Variants in ZDHHC3 observed in about 807,000 individuals in gnomAD.
ZDHHC3 encodes zDHHC palmitoyltransferase 3.
In ZDHHC3, 9 loss-of-function variants were observed where a neutral mutation model predicts 30.6. The observed-to-expected ratio is 0.29, with a 90% CI of 0.18 to 0.51. The LOEUF is 0.51. ZDHHC3 is among the 20% of genes least tolerant of loss of function. ZDHHC3 has a pLI of 0.97. For missense variants in ZDHHC3, 246 were observed against 384.2 expected, an observed-to-expected ratio of 0.64 and a Z score of 3.01; for synonymous variants, 136 against 140.2, an observed-to-expected ratio of 0.97 and a Z score of 0.21.
rs1575741975 is a variant in ZDHHC3 at position 44,918,208 on chromosome 3, A to G, written c.*8481T>C. 1 of 1,190,042 alleles carries G rather than the reference A, an allele frequency of 8.4e-7. No individual in the cohort carries two copies. The highest frequency in any genetic ancestry group is 1.1e-6 in the Non-Finnish European group (1 of 921,024). 73.7% of individuals were successfully genotyped at this position (1,190,042 alleles called of 1,614,324 possible). On this transcript the variant is annotated 3_prime_UTR_variant, in exon 7 of 7. Transcript: ENST00000424952. ...GCTGGGCTGTACAGCTCACATAGACACCCCCAGCTATAGCATAGCAGTGGC... is the reference window on the plus strand; with the variant it reads ...GCTGGGCTGTACAGCTCACATAGACGCCCCCAGCTATAGCATAGCAGTGGC...
chr3:44,932,913 A>G lies in ZDHHC3; in HGVS notation c.610+205T>C, dbSNP rs754672842. The stretch of plus-strand genomic sequence containing the variant: ...GTCCAACTCATGACTTTACCTGTCG[A>G]ACTGAAGTTAAGGGGCTGCATTTTT... On this transcript the variant is annotated intron_variant, in intron 5 of 6. Transcript: ENST00000424952. The G allele has an allele frequency of 4.3e-6, 7 of 1,614,148 alleles. No homozygotes were observed. In the South Asian group the frequency reaches 7.7e-5, roughly 18 times the overall value.
At chr3:44,966,650 T>C (rs1020786497) in intron 1 of ZDHHC3, among the ~76,000 whole-genome samples, 1 of 152,156 alleles carries the variant, frequency 6.6e-6, no homozygotes, top group Non-Finnish European at 1.5e-5. Context: ...AAAGATCAAA[T>C]AGATGATCTT....
chr3:44,937,051 G>A (rs1702027985), intron 3 of ZDHHC3, among the ~76,000 whole-genome samples: 1 of 151,848 alleles, frequency 6.6e-6, no homozygotes, highest in Non-Finnish European at 1.5e-5. Context: ...ATGAATTCTA[G>A]TCTCCTTTTT....
Position 44,923,291 on chromosome 3 carries a change from T to C in ZDHHC3, c.*3398A>G. 1.1e-6 allele frequency: 1 copy of C among 948,258 alleles called. No homozygotes were observed. Among genetic ancestry groups the C allele is most frequent in the Non-Finnish European group, 1.3e-6 (1 of 796,138 alleles). The allele number at this position is 948,258 out of a possible 1,614,324, so 58.7% of individuals were successfully genotyped here. The stretch of plus-strand genomic sequence containing the variant: ...CAGGGTTTCACCGTGTTAGCCAGGA[T>C]GATCTCGATCTCTTGACCTCGTGAT... On this transcript the variant is annotated 3_prime_UTR_variant, in exon 7 of 7. Coordinates refer to ENST00000424952, the MANE Select transcript of ZDHHC3 (RefSeq NM_001135179.2).
At position 44,921,994 on chromosome 3, in the gene ZDHHC3, G is replaced by A. The variant is rs182907599; in HGVS notation, c.*4695C>T. 1.9e-4 allele frequency: 189 copies of A among 985,406 alleles called. 1 individual carries two copies. Among genetic ancestry groups the A allele is most frequent in the Non-Finnish European group, 1.9e-4 (158 of 829,938 alleles). The allele number at this position is 985,406 out of a possible 1,614,324, so 61.0% of individuals were successfully genotyped here. On this transcript the variant is annotated 3_prime_UTR_variant, in exon 7 of 7. Coordinates refer to ENST00000424952, the MANE Select transcript of ZDHHC3 (RefSeq NM_001135179.2). Reference sequence around the variant, plus strand: ...GCTCCTCCTGTGGGCCCAACAGAGCGGGATCCCTGGGGGCCACTCTGCTTT... The same window carrying A: ...GCTCCTCCTGTGGGCCCAACAGAGCAGGATCCCTGGGGGCCACTCTGCTTT...
chr3:44,955,800 A>C (rs1703901426), intron 2 of ZDHHC3, among the ~76,000 whole-genome samples: 1 of 152,138 alleles, frequency 6.6e-6, no homozygotes, highest in Non-Finnish European at 1.5e-5. Flanking sequence ...TCTGTTTTGC[A>C]TACTGGGTTT....
At chr3:44,956,230 C>T (rs1056499146) in intron 2 of ZDHHC3, among the ~76,000 whole-genome samples, 1 of 152,224 alleles carries the variant, frequency 6.6e-6, no homozygotes, top group African/African-American at 2.4e-5. Flanking sequence ...TCCCTGTTTT[C>T]ACATGCCTTA....
At chr3:44,931,039 T>G (rs1206802003) in intron 5 of ZDHHC3, among the ~76,000 whole-genome samples, 1 of 152,234 alleles carries the variant, frequency 6.6e-6, no homozygotes, top group Non-Finnish European at 1.5e-5. Context: ...TGTACTGGTT[T>G]GATAGGTGCC....
chr3:44,933,755 G>C, intron 4 of ZDHHC3, 133 bp downstream of exon 4: 1 of 820,908 alleles, frequency 1.2e-6, no homozygotes, highest in Non-Finnish European at 2.0e-6. Context: ...AGAGATCTTT[G>C]GCAGGAAGGC....
In ZDHHC3 at chr3:44,920,794, T is replaced by G. The variant is rs995878349; in HGVS notation, c.*5895A>C. The G allele has an allele frequency of 6.9e-5, 68 of 985,238 alleles. No homozygotes were observed. The highest frequency in any genetic ancestry group is 7.1e-5 in the Non-Finnish European group (59 of 829,924). 61.0% of individuals were successfully genotyped at this position (985,238 alleles called of 1,614,324 possible). A position where few individuals can be genotyped will look rare whatever the true frequency, so the allele number is the denominator to read the frequency against. On this transcript the variant is annotated 3_prime_UTR_variant, in exon 7 of 7. Coordinates refer to ENST00000424952, the MANE Select transcript of ZDHHC3 (RefSeq NM_001135179.2). ...ATTATACTCAACCTCCTCACCAACCTCATAAAGTATTCCAGACAGAGCCTG... is the reference window on the plus strand; with the variant it reads ...ATTATACTCAACCTCCTCACCAACCGCATAAAGTATTCCAGACAGAGCCTG...
chr3:44,960,965 C>T (rs1401281628), intron 1 of ZDHHC3, among the ~76,000 whole-genome samples: 1 of 152,204 alleles, frequency 6.6e-6, no homozygotes, highest in African/African-American at 2.4e-5. Context: ...CCACTCCTCC[C>T]AAGGTGGCAG....
At chr3:44,945,862 T>G (rs2125869104) in intron 2 of ZDHHC3, among the ~76,000 whole-genome samples, 1 of 152,334 alleles carries the variant, frequency 6.6e-6, no homozygotes, top group African/African-American at 2.4e-5. Flanking sequence ...CGGCCAATTC[T>G]TTGATTAATT....
chr3:44,921,805 G>T lies in ZDHHC3; in HGVS notation c.*4884C>A, dbSNP rs1211983887. The T allele has an allele frequency of 1.9e-5, 19 of 984,862 alleles. No individual in the cohort carries two copies. Among genetic ancestry groups the T allele is most frequent in the Non-Finnish European group, 2.3e-5 (19 of 829,496 alleles). 61.0% of individuals were successfully genotyped at this position (984,862 alleles called of 1,614,324 possible). On this transcript the variant is annotated 3_prime_UTR_variant, in exon 7 of 7. Transcript: ENST00000424952. ...TAGCCAAGCAGACATTTCAACCAAAGACTGAAGCCAGGACCCAAATACTTG... is the reference window on the plus strand; with the variant it reads ...TAGCCAAGCAGACATTTCAACCAAATACTGAAGCCAGGACCCAAATACTTG...
intron 6 of ZDHHC3, among the ~76,000 whole-genome samples, chr3:44,928,937 C>T (rs900046348): frequency 2.0e-5 from 3 of 152,206 alleles, no homozygotes; most frequent in Non-Finnish European, 4.4e-5. Flanking sequence ...CTGTCAACCA[C>T]TCTATTTCAA....
Position 44,916,891 on chromosome 3 carries a change from C to A in ZDHHC3, c.*9798G>T, listed in dbSNP as rs187842644. ...TTCATCTGATTCATCAATCAGCAGA[C>A]CCTGGCCATCACCCATCTTTTCAGA... On this transcript the variant is annotated 3_prime_UTR_variant, in exon 7 of 7. Transcript: ENST00000424952. The A allele has an allele frequency of 6.6e-6, 1 of 152,246 alleles. No individual in the cohort carries two copies. The highest frequency in any genetic ancestry group is 1.9e-4 in the East Asian group (1 of 5,172). The allele number at this position is 152,246 out of a possible 1,614,324, so 9.4% of individuals were successfully genotyped here.
chr3:44,942,864 GC>G (rs1302906752), intron 3 of ZDHHC3, among the ~76,000 whole-genome samples: 1 of 152,136 alleles, frequency 6.6e-6, no homozygotes, highest in Non-Finnish European at 1.5e-5. Flanking sequence ...CAACTTCAAG[GC>G]CAGAGTCTGC....
At chr3:44,972,292 G>A (rs1705467958) in intron 1 of ZDHHC3, among the ~76,000 whole-genome samples, 1 of 152,134 alleles carries the variant, frequency 6.6e-6, no homozygotes, top group South Asian at 2.1e-4. Flanking sequence ...GCCAAACCCA[G>A]TCTCTACCAA....
At position 44,925,113 on chromosome 3, in the gene ZDHHC3, T is replaced by C. The variant is rs558062256; in HGVS notation, c.*1576A>G. ...CCAACCAGAGAAAACTCAAGTAGAT[T>C]GTGGATAGTCGGCCTCCCACTAAGG... On this transcript the variant is annotated 3_prime_UTR_variant, in exon 7 of 7. Coordinates refer to ENST00000424952, the MANE Select transcript of ZDHHC3 (RefSeq NM_001135179.2). 11 of 985,898 alleles carry C rather than the reference T, an allele frequency of 1.1e-5. No individual in the cohort carries two copies. In the African/African-American group the frequency reaches 1.4e-4, roughly 12 times the overall value. 61.1% of individuals were successfully genotyped at this position (985,898 alleles called of 1,614,324 possible).
Position 44,919,190 on chromosome 3 carries a change from G to A in ZDHHC3, c.*7499C>T. 1.3e-6 allele frequency: 1 copy of A among 797,702 alleles called. No homozygotes were observed. Among genetic ancestry groups the A allele is most frequent in the Non-Finnish European group, 1.5e-6 (1 of 660,474 alleles). The allele number at this position is 797,702 out of a possible 1,614,324, so 49.4% of individuals were successfully genotyped here. On this transcript the variant is annotated 3_prime_UTR_variant, in exon 7 of 7. Coordinates refer to ENST00000424952, the MANE Select transcript of ZDHHC3 (RefSeq NM_001135179.2). The stretch of plus-strand genomic sequence containing the variant: ...GGGAAAAACAGTACCTTAATAGCAG[G>A]GAAGAAACATTGCACGTACCACCTT...
Sources: allele counts gnomAD v4.1 joint callset (sites outside exome capture counted in the v4.1 genomes callset), GRCh38; gene constraint gnomAD v4.1.1; transcripts MANE v1.5; gene names NCBI Gene and HGNC (gene_info 2026-07-23, HGNC 2026-07-21).